RASEF: variants seen among roughly 807,000 people sequenced by gnomAD.
RASEF encodes the protein ras and EF-hand domain-containing protein.
RASEF carries 68 observed loss-of-function variants against 90.1 expected under a neutral mutation model. The ratio of observed to expected loss-of-function variants is 0.75; its 90% confidence interval spans 0.62 to 0.92. The LOEUF (loss-of-function observed/expected upper bound fraction) is 0.92. RASEF is among the 40% of genes least tolerant of loss of function. The pLI, the probability that RASEF is intolerant of heterozygous loss-of-function variation, is 0.00. For missense variants in RASEF, 949 were observed against 937.2 expected (o/e 1.01, Z -0.16); for synonymous variants, 331 against 345.2 (o/e 0.96, Z 0.46).
At position 83,045,318 on chromosome 9, in the gene RASEF, T is replaced by C. The variant is rs1194188340; in HGVS notation, c.431+17119A>G. 3.9e-5 allele frequency among the ~76,000 whole-genome samples: 6 copies of C among 152,194 alleles called. No homozygotes were observed. The East Asian group carries it at 7.7e-4, about 20-fold the overall frequency. ...ACCAATGTACCAGCTTCACAGTGAA[T>C]GTATGCTAGGACTGATGAAAAGAGC... is the stretch of plus-strand genomic sequence containing the variant. On this transcript the variant is annotated intron_variant, in intron 1 of 16. Coordinates refer to ENST00000376447, the MANE Select transcript of RASEF (RefSeq NM_152573.4).
chr9:83,100,840 G>T, the RASEF span, among the ~76,000 whole-genome samples: 1 of 152,088 alleles, frequency 6.6e-6, no homozygotes, highest in African/African-American at 2.4e-5. Flanking sequence ...CTCAATAAAT[G>T]ATAACTATTA....
Position 83,057,624 on chromosome 9 carries a change from T to C in RASEF, c.431+4813A>G, listed in dbSNP as rs530083138. Among the ~76,000 whole-genome samples the C allele has an allele frequency of 2.3e-4, 35 of 152,088 alleles. No homozygotes were observed. The Middle Eastern group carries it at 0.014, about 59-fold the overall frequency. On this transcript the variant is annotated intron_variant, in intron 1 of 16. Transcript: ENST00000376447. Reference sequence around the variant, plus strand: ...TCCATAAAACCTATGCCAAGCACAATGATAGATCCCAAATCTGGTACTCAA... The same window carrying C: ...TCCATAAAACCTATGCCAAGCACAACGATAGATCCCAAATCTGGTACTCAA...
chr9:83,180,131 T>G, the RASEF span, among the ~76,000 whole-genome samples: 6 of 152,352 alleles, frequency 3.9e-5, no homozygotes, highest in South Asian at 4.1e-4. Flanking sequence ...ATATACCATA[T>G]GCAGTTGTAT....
the RASEF span, among the ~76,000 whole-genome samples, chr9:83,206,060 AC>A: frequency 6.6e-6 from 1 of 152,184 alleles, no homozygotes; most frequent in African/African-American, 2.4e-5. Context: ...ATGTCCCTCC[AC>A]CTCATAAATC....
At chr9:83,177,293 A>G in the RASEF span, among the ~76,000 whole-genome samples, 1 of 152,190 alleles carries the variant, frequency 6.6e-6, no homozygotes, top group Non-Finnish European at 1.5e-5. Context: ...AGGAACAGAA[A>G]AAAATGCAAT....
chr9:83,157,038 T>C, the RASEF span, among the ~76,000 whole-genome samples: 1 of 152,220 alleles, frequency 6.6e-6, no homozygotes, highest in Non-Finnish European at 1.5e-5. Flanking sequence ...AAGTCCTAGA[T>C]ACAGGAGATG....
chr9:83,080,457 G>A, the RASEF span, among the ~76,000 whole-genome samples: 13 of 152,102 alleles, frequency 8.5e-5, no homozygotes, highest in African/African-American at 2.4e-4. Flanking sequence ...TATGTGGCCC[G>A]CACACACTAT....
chr9:83,206,721 C>CA, the RASEF span, among the ~76,000 whole-genome samples: 5 of 152,228 alleles, frequency 3.3e-5, no homozygotes, highest in African/African-American at 1.2e-4. Context: ...GCCTGTGTCT[C>CA]ATCCCCAGTG....
the RASEF span, among the ~76,000 whole-genome samples, chr9:83,073,682 A>G: frequency 2.0e-5 from 3 of 152,364 alleles, no homozygotes; most frequent in South Asian, 4.1e-4. Context: ...CACTGTGCAT[A>G]CAATTAAATA....
At chr9:82,987,768 C>A (rs935926246) in intron 16 of RASEF, among the ~76,000 whole-genome samples, 9 of 152,104 alleles carry the variant, frequency 5.9e-5, no homozygotes, top group African/African-American at 2.2e-4. Flanking sequence ...TTAGAAAGGA[C>A]CTTTGAGATC....
the RASEF span, among the ~76,000 whole-genome samples, chr9:83,179,945 C>T: frequency 3.3e-5 from 5 of 152,200 alleles, no homozygotes; most frequent in East Asian, 1.9e-4. Flanking sequence ...CAAACCAACA[C>T]GTAAGCTCTC....
the RASEF span, among the ~76,000 whole-genome samples, chr9:83,150,920 G>A: frequency 6.6e-6 from 1 of 152,250 alleles, no homozygotes; most frequent in Non-Finnish European, 1.5e-5. Context: ...CCGTATGAAT[G>A]TATATATCCA....
At chr9:83,000,702 T>C (rs926949526) in intron 10 of RASEF, 132 bp from the exon 11 acceptor site, 2 of 941,336 alleles carry the variant, frequency 2.1e-6, no homozygotes, top group African/African-American at 1.7e-5. Flanking sequence ...GCTATTAATA[T>C]TAGGGAATAG....
the RASEF span, among the ~76,000 whole-genome samples, chr9:83,086,274 T>G: frequency 1.3e-5 from 2 of 152,228 alleles, no homozygotes; most frequent in South Asian, 4.2e-4. Flanking sequence ...AGATCGTAGA[T>G]TCATTTTTTT....
At chr9:83,205,909 C>A in the RASEF span, among the ~76,000 whole-genome samples, 3 of 152,102 alleles carry the variant, frequency 2.0e-5, no homozygotes, top group Admixed American at 1.3e-4. Flanking sequence ...TATAGCTGGT[C>A]ATTCTGAATA....
chr9:83,057,034 C>A (rs1641977423), intron 1 of RASEF, among the ~76,000 whole-genome samples: 1 of 152,104 alleles, frequency 6.6e-6, no homozygotes, highest in Admixed American at 6.6e-5. Context: ...TGGCCACCAC[C>A]CAGCAAGTAG....
chr9:83,097,193 C>T, the RASEF span, among the ~76,000 whole-genome samples: 1 of 152,108 alleles, frequency 6.6e-6, no homozygotes, highest in Non-Finnish European at 1.5e-5. Context: ...TTCTAGATCC[C>T]TGAGGAATCG....
At chr9:83,147,010 ATGTG>A in the RASEF span, among the ~76,000 whole-genome samples, 206 of 143,580 alleles carry the variant, frequency 1.4e-3, no homozygotes, top group African/African-American at 4.7e-3. Context: ...GCGTGTGTAT[ATGTG>A]TGTGTGTGTG....
At chr9:83,083,343 T>A in the RASEF span, among the ~76,000 whole-genome samples, 1 of 152,212 alleles carries the variant, frequency 6.6e-6, no homozygotes, top group Non-Finnish European at 1.5e-5. Context: ...TATGTATCAC[T>A]ATAACACATT....
Sources: allele counts gnomAD v4.1 joint callset (sites outside exome capture counted in the v4.1 genomes callset), GRCh38; gene constraint gnomAD v4.1.1; transcripts MANE v1.5; gene names NCBI Gene and HGNC (gene_info 2026-07-23, HGNC 2026-07-21).